Variants in RARB observed in about 807,000 individuals in gnomAD.
RARB encodes the protein retinoic acid receptor beta.
A neutral mutation model predicts 51.9 loss-of-function variants in RARB; 17 were observed. The ratio of observed to expected loss-of-function variants is 0.33; its 90% confidence interval spans 0.22 to 0.49. The LOEUF (loss-of-function observed/expected upper bound fraction) is 0.49. Ranked by LOEUF, RARB falls within the 20% of genes least tolerant of loss-of-function variation. The probability of loss-of-function intolerance (pLI) is 0.99; values close to 1 mark genes in which losing one functional copy is unlikely to be tolerated. For synonymous variants in RARB, 215 were observed against 195.4 expected, an observed-to-expected ratio of 1.10 and a Z score of -0.84; for missense variants, 369 against 550.8, an observed-to-expected ratio of 0.67 and a Z score of 3.30.
chr3:25,563,074 A>G (rs962221277), intron 3 of RARB, among the ~76,000 whole-genome samples: 2 of 152,204 alleles, frequency 1.3e-5, no homozygotes, highest in Non-Finnish European at 2.9e-5. Flanking sequence ...TTCCCCCAAG[A>G]CTTCAATATT....
chr3:24,897,595 G>C (rs1017944463), intron 2 of RARB, among the ~76,000 whole-genome samples: 1 of 152,154 alleles, frequency 6.6e-6, no homozygotes, highest in African/African-American at 2.4e-5. Flanking sequence ...AATATGATTT[G>C]TTACAAGATT....
chr3:25,048,132 G>A (rs901041238), intron 2 of RARB, among the ~76,000 whole-genome samples: 14 of 152,106 alleles, frequency 9.2e-5, no homozygotes, highest in African/African-American at 3.4e-4. Context: ...TCTTTTTTAT[G>A]TAAATTACCC....
At chr3:25,122,280 T>C (rs2125329692) in intron 3 of RARB, among the ~76,000 whole-genome samples, 1 of 152,248 alleles carries the variant, frequency 6.6e-6, no homozygotes, top group East Asian at 1.9e-4. Flanking sequence ...GGACAAATTG[T>C]ATTAGTAATG....
intron 3 of RARB, among the ~76,000 whole-genome samples, chr3:25,557,735 C>G (rs191926803): frequency 4.6e-4 from 70 of 152,216 alleles, no homozygotes; most frequent in African/African-American, 1.6e-3. Flanking sequence ...ATTTCTTCAC[C>G]ATGAACAGTG....
At chr3:25,141,291 C>G (rs964603989) in intron 4 of RARB, among the ~76,000 whole-genome samples, 2 of 151,918 alleles carry the variant, frequency 1.3e-5, no homozygotes, top group African/African-American at 4.8e-5. Flanking sequence ...CTACCACTAT[C>G]TAAATTCAAT....
At chr3:25,315,168 T>C (rs1050201666) in intron 5 of RARB, among the ~76,000 whole-genome samples, 1 of 152,150 alleles carries the variant, frequency 6.6e-6, no homozygotes, top group Admixed American at 6.5e-5. Flanking sequence ...TCTCTGTCTA[T>C]AGGCTCTCTG....
At chr3:25,166,200 T>G (rs1036720891) in intron 4 of RARB, among the ~76,000 whole-genome samples, 1 of 152,166 alleles carries the variant, frequency 6.6e-6, no homozygotes, top group African/African-American at 2.4e-5. Context: ...GGCTTCTCTT[T>G]AAGTTGAGAG....
intron 2 of RARB, among the ~76,000 whole-genome samples, chr3:25,488,258 AT>A (rs1575451631): frequency 6.6e-6 from 1 of 152,220 alleles, no homozygotes; most frequent in East Asian, 1.9e-4. Context: ...AAAACTCTGA[AT>A]AAAAATATCA....
chr3:25,099,153 A>G (rs1400972470), intron 3 of RARB, among the ~76,000 whole-genome samples: 1 of 152,144 alleles, frequency 6.6e-6, no homozygotes, highest in African/African-American at 2.4e-5. Context: ...GAAGATGGTA[A>G]CAGAACAGGT....
intron 2 of RARB, among the ~76,000 whole-genome samples, chr3:25,480,248 A>G (rs939144527): frequency 6.6e-6 from 1 of 152,244 alleles, no homozygotes; most frequent in Non-Finnish European, 1.5e-5. Flanking sequence ...TAGACAGTGT[A>G]GTATATACAC....
chr3:25,325,671 T>C (rs969588041), intron 5 of RARB, among the ~76,000 whole-genome samples: 2 of 151,922 alleles, frequency 1.3e-5, no homozygotes, highest in East Asian at 1.9e-4. Flanking sequence ...TTGAGTTGTG[T>C]GTATAAATGG....
intron 2 of RARB, among the ~76,000 whole-genome samples, chr3:25,494,253 G>GCACACACACACACACACACACA (rs57081618): frequency 9.9e-5 from 13 of 131,848 alleles, no homozygotes; most frequent in Admixed American, 2.2e-4. Context: ...TGTATCTTAC[G>GCACACACACACACACACACACA]CACACACACA....
intron 5 of RARB, among the ~76,000 whole-genome samples, chr3:25,281,481 C>G (rs1203692476): frequency 6.6e-6 from 1 of 152,192 alleles, no homozygotes; most frequent in African/African-American, 2.4e-5. Flanking sequence ...CTCCTATTCT[C>G]TTACGGGTGA....
intron 2 of RARB, among the ~76,000 whole-genome samples, chr3:25,040,888 G>A (rs1027392245): frequency 1.1e-4 from 16 of 152,096 alleles, no homozygotes; most frequent in Admixed American, 3.9e-4. Context: ...GGTCTGTCTC[G>A]AGTCCTATAA....
intron 2 of RARB, among the ~76,000 whole-genome samples, chr3:24,890,308 G>A (rs537852803): frequency 5.5e-4 from 84 of 152,266 alleles, no homozygotes; most frequent in African/African-American, 2.0e-3. Context: ...TAGAGTCCCT[G>A]GCCATGGAAG....
intron 5 of RARB, among the ~76,000 whole-genome samples, chr3:25,322,764 T>G (rs1454333151): frequency 2.0e-5 from 3 of 152,198 alleles, no homozygotes; most frequent in Non-Finnish European, 2.9e-5. Flanking sequence ...AATCAGAAGC[T>G]GTGGCCCCGA....
chr3:24,911,284 C>T (rs1162958711), intron 2 of RARB, among the ~76,000 whole-genome samples: 1 of 152,084 alleles, frequency 6.6e-6, no homozygotes, highest in African/African-American at 2.4e-5. Flanking sequence ...CAACAAGTGA[C>T]ATTGACAGGA....
Position 25,389,901 on chromosome 3 carries a change from C to T in RARB, c.179-71292C>T, listed in dbSNP as rs115555730. 2.7e-3 allele frequency among the ~76,000 whole-genome samples: 407 copies of T among 152,204 alleles called. 2 individuals are homozygous for T. The highest frequency in any genetic ancestry group is 9.3e-3 in the African/African-American group (387 of 41,516). On this transcript the variant is annotated intron_variant, in intron 5 of 11. Transcript: ENST00000383772. The stretch of plus-strand genomic sequence containing the variant: ...TAATATTTGAGTCTTGAACAAAAGT[C>T]AACCAAATGGGGAAGAGTAGTGATG...
chr3:25,157,817 A>C (rs1030949790), intron 4 of RARB, among the ~76,000 whole-genome samples: 15 of 152,292 alleles, frequency 9.8e-5, no homozygotes, highest in Middle Eastern at 6.8e-3. Context: ...CCTCTAACAG[A>C]AGCTTGATTG....
Sources: allele counts gnomAD v4.1 joint callset (sites outside exome capture counted in the v4.1 genomes callset), GRCh38; gene constraint gnomAD v4.1.1; transcripts MANE v1.5; gene names NCBI Gene and HGNC (gene_info 2026-07-23, HGNC 2026-07-21).